Variants in RPH3A observed in about 807,000 individuals in gnomAD.
RPH3A encodes rabphilin 3A, also known as rabphilin-3A.
A neutral mutation model predicts 102.2 loss-of-function variants in RPH3A; 48 were observed. That is an observed-to-expected ratio of 0.47 (90% CI 0.37 to 0.60). The LOEUF (loss-of-function observed/expected upper bound fraction) is 0.60. Among genes scored for constraint, RPH3A ranks in the 20% least tolerant of loss-of-function variants. The probability of loss-of-function intolerance (pLI) is 0.00; values close to 1 mark genes in which losing one functional copy is unlikely to be tolerated. For missense variants in RPH3A, 781 were observed against 910.1 expected (o/e 0.86, Z 1.83); for synonymous variants, 310 against 324.3 (o/e 0.96, Z 0.47).
At chr12:112,879,015 G>T in intron 13 of RPH3A, 104 bp from the exon 14 acceptor site, 3 of 991,220 alleles carry the variant, frequency 3.0e-6, no homozygotes, top group Non-Finnish European at 4.7e-6. Context: ...TCTCTTCTGT[G>T]GTCTCAATTC....
chr12:112,605,351 G>C (rs534994501), intron 1 of RPH3A, among the ~76,000 whole-genome samples: 26 of 152,094 alleles, frequency 1.7e-4, no homozygotes, highest in Non-Finnish European at 3.4e-4. Flanking sequence ...TTCCATCCTG[G>C]TTGGCAGAGC....
At chr12:112,755,612 C>A (rs2136063563) in intron 1 of RPH3A, among the ~76,000 whole-genome samples, 1 of 152,280 alleles carries the variant, frequency 6.6e-6, no homozygotes, top group South Asian at 2.1e-4. Flanking sequence ...GTGAGAAGAG[C>A]ATGCCCTGGT....
intron 4 of RPH3A, among the ~76,000 whole-genome samples, chr12:112,843,077 C>T (rs547618582): frequency 2.0e-5 from 3 of 152,232 alleles, no homozygotes; most frequent in Admixed American, 6.5e-5. Flanking sequence ...CTTTGGTCTC[C>T]GGCTTCGGTC....
intron 1 of RPH3A, among the ~76,000 whole-genome samples, chr12:112,720,211 C>A (rs1201099274): frequency 6.6e-6 from 1 of 152,214 alleles, no homozygotes; most frequent in Non-Finnish European, 1.5e-5. Flanking sequence ...TGCATCCATG[C>A]ATGTGTATGT....
chr12:112,796,705 C>T (rs2041237516), intron 2 of RPH3A, among the ~76,000 whole-genome samples: 1 of 152,190 alleles, frequency 6.6e-6, no homozygotes, highest in Non-Finnish European at 1.5e-5. Context: ...TTATTGACTA[C>T]CTACAGTATG....
chr12:112,595,069 C>T (rs1169806750), intron 1 of RPH3A, among the ~76,000 whole-genome samples: 3 of 152,184 alleles, frequency 2.0e-5, no homozygotes. Flanking sequence ...GGTCTTGAGT[C>T]CCATTTCCAC....
At position 112,621,362 on chromosome 12, in the gene RPH3A, G is replaced by A. The variant is rs1286102486; in HGVS notation, c.-140+46043G>A. On this transcript the variant is annotated intron_variant, in intron 1 of 21. Coordinates refer to the RPH3A transcript ENST00000543106. The stretch of plus-strand genomic sequence containing the variant: ...GCCAGTGGGTGCGCGCACCGTGCGC[G>A]AGCCGAAGCAGGGCGAGGCATTGCC... 2.7e-5 allele frequency among the ~76,000 whole-genome samples: 4 copies of A among 149,246 alleles called. No individual in the cohort carries two copies. In the East Asian group the frequency reaches 6.0e-4, roughly 22 times the overall value.
At chr12:112,742,520 A>G (rs1214866429) in intron 1 of RPH3A, among the ~76,000 whole-genome samples, 1 of 152,210 alleles carries the variant, frequency 6.6e-6, no homozygotes, top group Non-Finnish European at 1.5e-5. Context: ...CTGAGGTTCC[A>G]GCAGGAAACA....
At chr12:112,887,964 G>A in intron 17 of RPH3A, 41 bp downstream of exon 17, 1 of 1,604,898 alleles carries the variant, frequency 6.2e-7, no homozygotes, top group Non-Finnish European at 8.5e-7. Flanking sequence ...GAGGAGGGGA[G>A]ATTGGGGGAG....
Position 112,876,694 on chromosome 12 carries a change from AG to A in RPH3A, c.1004del (p.Gly335GlufsTer15). On this transcript the variant is annotated frameshift_variant, in exon 13 of 22. Transcript: ENST00000389385. LOFTEE classifies it high-confidence loss of function. Reference protein sequence around the residue: ...TTAPPREERTGGVGGYPAVGA... With the variant: ...TTAPPREERTXGVGGYPAVGA... ...CTGCCCCACCCCGAGAGGAGAGAACAGGGGGAGTCGGGGGCTACCCAGCAGT... is the reference window on the plus strand; with the variant it reads ...CTGCCCCACCCCGAGAGGAGAGAACAGGGGAGTCGGGGGCTACCCAGCAGT... The A allele has an allele frequency of 6.2e-7, 1 of 1,613,400 alleles. No individual in the cohort carries two copies.
intron 5 of RPH3A, among the ~76,000 whole-genome samples, chr12:112,855,441 G>A (rs192136280): frequency 2.4e-4 from 37 of 152,292 alleles, no homozygotes; most frequent in Non-Finnish European, 1.5e-5. Context: ...CCCTCCAGTG[G>A]TCTTTCTCTC....
intron 3 of RPH3A, among the ~76,000 whole-genome samples, chr12:112,834,763 T>A (rs1295013579): frequency 6.6e-6 from 1 of 152,222 alleles, no homozygotes; most frequent in Non-Finnish European, 1.5e-5. Flanking sequence ...TCTTTTCAAA[T>A]CTTTTGTCCA....
At chr12:112,803,675 G>A (rs1209879993) in intron 2 of RPH3A, among the ~76,000 whole-genome samples, 2 of 151,918 alleles carry the variant, frequency 1.3e-5, no homozygotes, top group East Asian at 3.9e-4. Flanking sequence ...TAAATAATAA[G>A]GCTCTACAGA....
At chr12:112,647,550 G>T (rs2135995144) in intron 1 of RPH3A, among the ~76,000 whole-genome samples, 1 of 152,184 alleles carries the variant, frequency 6.6e-6, no homozygotes, top group East Asian at 1.9e-4. Flanking sequence ...AACAGAATAA[G>T]CCATGAAGAA....
At chr12:112,589,029 T>C (rs1224766292) in intron 1 of RPH3A, among the ~76,000 whole-genome samples, 1 of 151,450 alleles carries the variant, frequency 6.6e-6, no homozygotes, top group Non-Finnish European at 1.5e-5. Flanking sequence ...GGGGAGAGTG[T>C]TCCAGGCAGA....
rs377555989 is a variant in RPH3A, at chr12:112,868,569, A to G, written c.584A>G (p.Lys195Arg). 1.9e-6 allele frequency: 3 copies of G among 1,614,150 alleles called. No homozygotes were observed. The highest frequency in any genetic ancestry group is 2.5e-6 in the Non-Finnish European group (3 of 1,179,998). ...AAPEQPAPEP[K>R]HPARAPARGD... ...CCTGAACAGCCTGCTCCTGAGCCCA[A>G]GCACCCTGCCCGGGCTCCAGCTCGA... is the stretch of plus-strand genomic sequence containing the variant. Residue 195 changes from lysine (K) to arginine (R), a missense_variant, in exon 8 of 22, where the codon AAG (lysine) becomes AGG (arginine). Lys to Arg is a conservative substitution (Grantham distance 26). Around this residue, in one of 2 missense-constraint regions of RPH3A, gnomAD observed 730 missense variants for 810.0 expected, o/e 0.90. Transcript: ENST00000389385.
In RPH3A at chr12:112,883,275, ATC is replaced by A. The variant is rs755494635; in HGVS notation, c.1327-11_1327-10del. 5.0e-6 allele frequency: 8 copies of A among 1,604,864 alleles called. No individual in the cohort carries two copies. The highest frequency in any genetic ancestry group is 6.8e-6 in the Non-Finnish European group (8 of 1,172,264). On this transcript the variant is annotated splice_polypyrimidine_tract_variant and intron_variant, in intron 15 of 21. Transcript: ENST00000389385. ...CCCACTGAGGTAGGTGTCTCTGTCC[ATC>A]TCTCTCGGGCTCTAGTCCAACAAGC...
chr12:112,822,154 G>A (rs2041792638), intron 2 of RPH3A, among the ~76,000 whole-genome samples: 1 of 152,216 alleles, frequency 6.6e-6, no homozygotes, highest in Non-Finnish European at 1.5e-5. Context: ...GCACTCAGGG[G>A]AAGAGACAAG....
intron 1 of RPH3A, among the ~76,000 whole-genome samples, chr12:112,599,386 C>A (rs984132925): frequency 2.0e-5 from 3 of 152,184 alleles, no homozygotes; most frequent in African/African-American, 7.2e-5. Context: ...CTATACAATG[C>A]AACATTGCAT....
Sources: gnomAD v4.1 joint callset for allele counts (sites outside exome capture counted in the v4.1 genomes callset) on GRCh38, gnomAD v4.1.1 for gene constraint, gnomAD v4.1.1 regional missense constraint, MANE v1.5 for transcripts, NCBI Gene and HGNC (gene_info 2026-07-23, HGNC 2026-07-21) for gene names.